Variants in TNR observed in about 807,000 individuals in gnomAD.
TNR encodes the protein tenascin-R.
In TNR, 45 loss-of-function variants were observed where a neutral mutation model predicts 150.4. That is an observed-to-expected ratio of 0.30 (90% CI 0.24 to 0.38). The LOEUF is 0.38. Ranked by LOEUF, TNR falls within the 10% of genes least tolerant of loss-of-function variation. TNR has a pLI of 1.00. For missense variants in TNR, 1,544 were observed against 1,759.1 expected (o/e 0.88, Z 2.19); for synonymous variants, 687 against 678.4 (o/e 1.01, Z -0.20).
intron 2 of TNR, among the ~76,000 whole-genome samples, chr1:175,438,488 T>C (rs1250272003): frequency 6.6e-6 from 1 of 152,178 alleles, no homozygotes; most frequent in Non-Finnish European, 1.5e-5. Flanking sequence ...ATGCCCTCTC[T>C]CACCACTCCT....
intron 2 of TNR, among the ~76,000 whole-genome samples, chr1:175,482,383 C>T (rs1230498367): frequency 4.6e-5 from 7 of 152,198 alleles, no homozygotes; most frequent in African/African-American, 7.2e-5. Context: ...TCTTGCTGAA[C>T]ATAATGAACC....
At chr1:175,422,359 AG>A (rs1025963365) in intron 2 of TNR, among the ~76,000 whole-genome samples, 66 of 152,306 alleles carry the variant, frequency 4.3e-4, no homozygotes, top group African/African-American at 1.5e-3. Flanking sequence ...AAAGTCTAAT[AG>A]GTCCTCTCTC....
chr1:175,373,832 G>A (rs982551546), intron 9 of TNR, among the ~76,000 whole-genome samples: 2 of 152,166 alleles, frequency 1.3e-5, no homozygotes, highest in Non-Finnish European at 2.9e-5. Flanking sequence ...TAAGGAATAG[G>A]CCCTGTATGT....
In TNR at chr1:175,403,318, G is replaced by C; in HGVS notation, c.798C>G (p.Cys266Trp). The C allele has an allele frequency of 6.2e-7, 1 of 1,614,122 alleles. No homozygotes were observed. The highest frequency in any genetic ancestry group is 8.5e-7 in the Non-Finnish European group (1 of 1,180,008). ...YTGEDCRELR[C>W]PGDCSGKGRC... ...TCCCCTTCCCCGAACAGTCCCCAGG[G>C]CACCTCAGTTCCCTGCAGTCCTCGC... The change falls in exon 4 of 23, where the codon TGC (cysteine) becomes TGG (tryptophan). Residue 266 changes from cysteine to tryptophan, a missense_variant. By Grantham distance (215) the Cys-to-Trp change is radical. Transcript: ENST00000367674.
At chr1:175,555,062 T>C (rs1661097645) in intron 1 of TNR, among the ~76,000 whole-genome samples, 1 of 152,180 alleles carries the variant, frequency 6.6e-6, no homozygotes. Context: ...TTTTCCAGTA[T>C]GGATTAAGCA....
In TNR at chr1:175,676,573, A is replaced by C. The variant is rs187829339; in HGVS notation, c.-165+66653T>G. ...GACAAGTCTCCCAATAGGACTGAAA[A>C]GAGATTGGGGATGAGGATCACAGCT... On this transcript the variant is annotated intron_variant, in intron 1 of 22. Transcript: ENST00000367674. Among the ~76,000 whole-genome samples, 303 of 152,304 alleles carry C rather than the reference A, an allele frequency of 2.0e-3. 1 individual carries two copies. The highest frequency in any genetic ancestry group is 2.2e-3 in the Non-Finnish European group (148 of 68,030).
chr1:175,626,310 A>G (rs990917942), intron 1 of TNR, among the ~76,000 whole-genome samples: 5 of 152,160 alleles, frequency 3.3e-5, no homozygotes, highest in Non-Finnish European at 7.3e-5. Context: ...TTTGATAACT[A>G]TGATCGTGCA....
chr1:175,678,582 A>G (rs1019549474), intron 1 of TNR, among the ~76,000 whole-genome samples: 3 of 152,144 alleles, frequency 2.0e-5, no homozygotes, highest in African/African-American at 7.2e-5. Flanking sequence ...TCCTCTGGCC[A>G]GATATCCTTC....
At chr1:175,727,451 T>A (rs1667510813) in intron 1 of TNR, among the ~76,000 whole-genome samples, 1 of 152,110 alleles carries the variant, frequency 6.6e-6, no homozygotes, top group Non-Finnish European at 1.5e-5. Context: ...GAAGAGAGAC[T>A]GGAAGTGAGA....
intron 2 of TNR, among the ~76,000 whole-genome samples, chr1:175,499,097 T>C (rs562768625): frequency 2.0e-5 from 3 of 152,218 alleles, no homozygotes; most frequent in African/African-American, 7.2e-5. Flanking sequence ...AGGTTGATAC[T>C]GTGTGGGATC....
At chr1:175,430,999 A>T (rs1655238458) in intron 2 of TNR, among the ~76,000 whole-genome samples, 1 of 152,162 alleles carries the variant, frequency 6.6e-6, no homozygotes, top group Non-Finnish European at 1.5e-5. Context: ...ATATCTATAC[A>T]TGGGCTAGGG....
intron 1 of TNR, among the ~76,000 whole-genome samples, chr1:175,616,043 G>T (rs949252736): frequency 6.6e-6 from 1 of 152,200 alleles, no homozygotes; most frequent in South Asian, 2.1e-4. Flanking sequence ...ATAACTGAGA[G>T]AATGGCATGT....
intron 1 of TNR, among the ~76,000 whole-genome samples, chr1:175,595,123 C>T (rs1039294064): frequency 2.6e-5 from 4 of 151,248 alleles, no homozygotes; most frequent in Admixed American, 1.3e-4. Flanking sequence ...GCCAAGATTA[C>T]ACCACTGCAC....
intron 2 of TNR, among the ~76,000 whole-genome samples, chr1:175,469,712 A>T (rs1160523853): frequency 6.6e-6 from 1 of 152,080 alleles, no homozygotes; most frequent in Non-Finnish European, 1.5e-5. Flanking sequence ...GTGCTCTGAC[A>T]TGATTCTATG....
At position 175,420,354 on chromosome 1, in the gene TNR, G is replaced by T. The variant is rs552369617; in HGVS notation, c.-63-13577C>A. 1.0e-3 allele frequency among the ~76,000 whole-genome samples: 152 copies of T among 152,214 alleles called. 1 individual carries two copies. Among genetic ancestry groups the T allele is most frequent in the African/African-American group, 3.6e-3 (150 of 41,530 alleles). ...CTTTCCTCTGTGACTCATTCCCTCC[G>T]TAGTCAAATGCCAAAGTGATACAAG... is the stretch of plus-strand genomic sequence containing the variant. On this transcript the variant is annotated intron_variant, in intron 2 of 22. Coordinates refer to ENST00000367674, the MANE Select transcript of TNR (RefSeq NM_003285.3).
intron 18 of TNR, among the ~76,000 whole-genome samples, chr1:175,353,832 AT>A (rs1651184742): frequency 7.5e-6 from 1 of 132,738 alleles, no homozygotes; most frequent in African/African-American, 3.0e-5. Context: ...AAGGAACCTG[AT>A]TTTTTAAATT....
intron 2 of TNR, among the ~76,000 whole-genome samples, chr1:175,484,300 C>T (rs1236401753): frequency 6.6e-6 from 1 of 151,968 alleles, no homozygotes; most frequent in African/African-American, 2.4e-5. Context: ...TTTTTTTATC[C>T]TCTTCCTCCT....
intron 2 of TNR, among the ~76,000 whole-genome samples, chr1:175,480,744 T>C (rs1234494135): frequency 1.3e-5 from 2 of 152,182 alleles, no homozygotes; most frequent in African/African-American, 2.4e-5. Context: ...ATTCAGAACA[T>C]ATCCTCCAAA....
intron 12 of TNR, among the ~76,000 whole-genome samples, chr1:175,364,723 T>C (rs1435893357): frequency 1.3e-5 from 2 of 152,232 alleles, no homozygotes; most frequent in Admixed American, 1.3e-4. Context: ...CTTTCTCCAG[T>C]GCTTTTCTTC....
Sources: allele counts gnomAD v4.1 joint callset (sites outside exome capture counted in the v4.1 genomes callset), GRCh38; gene constraint gnomAD v4.1.1; transcripts MANE v1.5; gene names NCBI Gene and HGNC (gene_info 2026-07-23, HGNC 2026-07-21).